The following SYCP2L variants were observed in gnomAD, a reference collection of about 807,000 sequenced individuals.
SYCP2L encodes the protein synaptonemal complex protein 2 like.
Under a neutral mutation model 125.8 loss-of-function variants are expected in SYCP2L, and 98 were observed. That is an observed-to-expected ratio of 0.78 (90% CI 0.66 to 0.92). SYCP2L has a LOEUF of 0.92. Among genes scored for constraint, SYCP2L ranks in the 40% least tolerant of loss-of-function variants. The pLI, the probability that SYCP2L is intolerant of heterozygous loss-of-function variation, is 0.00. For missense variants in SYCP2L, 842 were observed against 936.4 expected (o/e 0.90, Z 1.32); for synonymous variants, 317 against 325.4 (o/e 0.97, Z 0.28).
At chr6:10,945,053 G>T (rs944870124) in intron 23 of SYCP2L, among the ~76,000 whole-genome samples, 1 of 152,088 alleles carries the variant, frequency 6.6e-6, no homozygotes, top group South Asian at 2.1e-4. Flanking sequence ...TGATCCAAAT[G>T]TTGGTTAGAA....
At chr6:10,922,847 AT>A (rs1780823294) in intron 14 of SYCP2L, 1 of 152,154 alleles carries the variant, frequency 6.6e-6, no homozygotes, top group Non-Finnish European at 1.5e-5. Context: ...AAAAAAGTAG[AT>A]TAATTTGAGT....
At chr6:10,923,077 A>G (rs1211598646) in intron 14 of SYCP2L, among the ~76,000 whole-genome samples, 1 of 152,178 alleles carries the variant, frequency 6.6e-6, no homozygotes, top group Non-Finnish European at 1.5e-5. Flanking sequence ...AGTACTAGGC[A>G]TGCTTTCAGT....
chr6:10,962,903 A>C (rs1456922263), intron 28 of SYCP2L, among the ~76,000 whole-genome samples: 2 of 152,116 alleles, frequency 1.3e-5, no homozygotes, highest in Non-Finnish European at 2.9e-5. Flanking sequence ...ATAATGTCTT[A>C]ATGTTATTAT....
chr6:10,921,892 A>G (rs968411214), intron 14 of SYCP2L, among the ~76,000 whole-genome samples: 16 of 151,582 alleles, frequency 1.1e-4, no homozygotes, highest in African/African-American at 3.9e-4. Flanking sequence ...TTTTTTAGTA[A>G]AGACGGGGTT....
chr6:10,960,748 A>T (rs1162667960), intron 26 of SYCP2L, among the ~76,000 whole-genome samples: 1 of 134,960 alleles, frequency 7.4e-6, no homozygotes, highest in Non-Finnish European at 1.5e-5. Context: ...GTTCTCTACT[A>T]AAAAAAAATC....
At position 10,974,275 on chromosome 6, in the gene SYCP2L, G is replaced by A. The variant is rs538503888; in HGVS notation, c.*361G>A. ...TGTTTGAGAAATGTCTTCAAGTTTT[G>A]TGTGAATAAAACACTTTAGCAGCAT... On this transcript the variant is annotated 3_prime_UTR_variant, in exon 30 of 30. Coordinates refer to ENST00000283141, the MANE Select transcript of SYCP2L (RefSeq NM_001040274.3). The A allele has an allele frequency of 6.6e-6, 1 of 151,038 alleles. No individual in the cohort carries two copies. The highest frequency in any genetic ancestry group is 1.5e-5 in the Non-Finnish European group (1 of 67,864). 9.4% of individuals were successfully genotyped at this position (151,038 alleles called of 1,614,324 possible).
In SYCP2L at chr6:10,899,060, G is replaced by A. The variant is rs914288636; in HGVS notation, c.466+212G>A. Among the ~76,000 whole-genome samples the A allele has an allele frequency of 6.6e-5, 10 of 152,072 alleles. No individual in the cohort carries two copies. In the South Asian group the frequency reaches 1.0e-3, roughly 16 times the overall value. On this transcript the variant is annotated intron_variant, in intron 6 of 29. Transcript: ENST00000283141. ...TTTGTCTGAGAAGCATTTTTATTTC[G>A]CTGCTCCTGACATATGGCTAGCTCT... is the stretch of plus-strand genomic sequence containing the variant.
chr6:10,910,795 TA>T, intron 11 of SYCP2L, 28 bp from the exon 12 acceptor site: 1 of 1,613,160 alleles, frequency 6.2e-7, no homozygotes, highest in Non-Finnish European at 8.5e-7. Context: ...ATTCATGTTT[TA>T]TTTTTTTAAT....
Position 10,925,076 on chromosome 6 carries a change from C to T in SYCP2L, c.1218+435C>T, listed in dbSNP as rs34684437. Among the ~76,000 whole-genome samples the T allele has an allele frequency of 2.7e-3, 408 of 152,296 alleles. 1 individual carries two copies. Among genetic ancestry groups the T allele is most frequent in the Non-Finnish European group, 4.8e-3 (326 of 68,032 alleles). On this transcript the variant is annotated intron_variant, in intron 15 of 29. Coordinates refer to ENST00000283141, the MANE Select transcript of SYCP2L (RefSeq NM_001040274.3). Reference sequence around the variant, plus strand: ...TTATAAAGGAAAGAGGTTTAATGGACTCACAGTTCAACATGGCTGGGGAGG... The same window carrying T: ...TTATAAAGGAAAGAGGTTTAATGGATTCACAGTTCAACATGGCTGGGGAGG...
Position 10,926,347 on chromosome 6 carries a change from T to C in SYCP2L, c.1227T>C (p.Pro409=). 1 of 1,613,604 alleles carries C rather than the reference T, an allele frequency of 6.2e-7. No individual in the cohort carries two copies. Among genetic ancestry groups the C allele is most frequent in the Non-Finnish European group, 8.5e-7 (1 of 1,179,640 alleles). The change falls in exon 16 of 30, where the codon CCT becomes CCC. Residue 409 remains proline, a synonymous_variant. Coordinates refer to ENST00000283141, the MANE Select transcript of SYCP2L (RefSeq NM_001040274.3). The part of the protein sequence containing the change: ...QALGEDKQML[P]DQTKISSELF... ...TTTGTCTTGCATTTCAGATGTTGCCTGACCAGACGAAAATCTCCTCAGAAC... is the reference window on the plus strand; with the variant it reads ...TTTGTCTTGCATTTCAGATGTTGCCCGACCAGACGAAAATCTCCTCAGAAC...
intron 28 of SYCP2L, among the ~76,000 whole-genome samples, chr6:10,962,892 A>G (rs1781617854): frequency 6.6e-6 from 1 of 152,160 alleles, no homozygotes. Context: ...TTAAAAAGCA[A>G]ATAATGTCTT....
intron 25 of SYCP2L, among the ~76,000 whole-genome samples, chr6:10,958,219 T>TAA (rs61518427): frequency 3.3e-5 from 5 of 151,644 alleles, no homozygotes; most frequent in African/African-American, 9.7e-5. Context: ...TATTTTTTTT[T>TAA]AAAAAAAGAG....
At chr6:10,934,115 C>G (rs1273269906) in intron 20 of SYCP2L, among the ~76,000 whole-genome samples, 1 of 152,180 alleles carries the variant, frequency 6.6e-6, no homozygotes, top group Admixed American at 6.5e-5. Flanking sequence ...GTCTCTGTCT[C>G]GTGCACTCTG....
In SYCP2L at chr6:10,912,325, T is replaced by A. The variant is rs1413279240; in HGVS notation, c.919-348T>A. ...TACAGTATCTCCTTCTCCAGAAGTT[T>A]CCATCCATATGCAGTGTGGCTTGTT... On this transcript the variant is annotated intron_variant, in intron 12 of 29. Transcript: ENST00000283141. This position sits in a 1 kb window ranked among gnomAD's most constrained non-coding sequence, Gnocchi z 4.1. 6.6e-6 allele frequency among the ~76,000 whole-genome samples: 1 copy of A among 152,220 alleles called. No individual in the cohort carries two copies. The highest frequency in any genetic ancestry group is 1.5e-5 in the Non-Finnish European group (1 of 68,038).
chr6:10,897,654 C>T lies in SYCP2L; in HGVS notation c.337-357C>T, dbSNP rs1352955368. On this transcript the variant is annotated intron_variant, in intron 4 of 29. Coordinates refer to ENST00000283141, the MANE Select transcript of SYCP2L (RefSeq NM_001040274.3). ...CTTGAACTCCTGGCCTCAAGTGATC[C>T]ACCTGTCTCGGCCTCTCAAAGTGCT... 3.3e-5 allele frequency among the ~76,000 whole-genome samples: 5 copies of T among 152,114 alleles called. No homozygotes were observed. In the East Asian group the frequency reaches 9.6e-4, roughly 29 times the overall value.
chr6:10,913,048 T>TCACAGA, intron 14 of SYCP2L, 121 bp downstream of exon 14: 1 of 864,998 alleles, frequency 1.2e-6, no homozygotes, highest in Non-Finnish European at 1.8e-6. Context: ...AGGAAGGCTG[T>TCACAGA]ATGGTATGAT....
chr6:10,927,167 C>A, intron 16 of SYCP2L, 73 bp from the exon 17 acceptor site: 1 of 1,575,690 alleles, frequency 6.3e-7, no homozygotes. Context: ...GAGGGGACAT[C>A]CCATGAAGAC....
Position 10,894,305 on chromosome 6 carries a change from T to C in SYCP2L, c.336+101T>C, listed in dbSNP as rs1342936721. 4 of 1,412,938 alleles carry C rather than the reference T, an allele frequency of 2.8e-6. No individual in the cohort carries two copies. In the Admixed American group the frequency reaches 9.2e-5, roughly 32 times the overall value. The allele number at this position is 1,412,938 out of a possible 1,614,324, so 87.5% of individuals were successfully genotyped here. A position where few individuals can be genotyped will look rare whatever the true frequency, so the allele number is the denominator to read the frequency against. On this transcript the variant is annotated intron_variant, in intron 4 of 29. Coordinates refer to ENST00000283141, the MANE Select transcript of SYCP2L (RefSeq NM_001040274.3). ...TTTGGTATTTTCTGTTCCTTTGAAA[T>C]CCAATTTGAAAAGAAATTGATATCC...
At chr6:10,907,895 T>TTTTTTTTTTTTTTTTTTTTTG (rs1780528166) in intron 10 of SYCP2L, among the ~76,000 whole-genome samples, 2 of 126,106 alleles carry the variant, frequency 1.6e-5, no homozygotes, top group African/African-American at 6.7e-5. Flanking sequence ...CAGATAGGTT[T>TTTTTTTTTTTTTTTTTTTTTG]TTTTTTTTTT....
Sources: allele counts gnomAD v4.1 joint callset (sites outside exome capture counted in the v4.1 genomes callset), GRCh38; gene constraint gnomAD v4.1.1; non-coding constraint Gnocchi (gnomAD v3.1); transcripts MANE v1.5; gene names NCBI Gene and HGNC (gene_info 2026-07-23, HGNC 2026-07-21).